TUSC3: variants seen among roughly 807,000 people sequenced by gnomAD.
TUSC3 encodes dolichyl-diphosphooligosaccharide--protein glycosyltransferase subunit TUSC3.
In TUSC3, 45 loss-of-function variants were observed where a neutral mutation model predicts 44.8. The ratio of observed to expected loss-of-function variants is 1.00; its 90% CI spans 0.79 to 1.29. TUSC3 has a LOEUF of 1.29. Among genes scored for constraint, TUSC3 ranks in the 50% most tolerant of loss-of-function variants. The pLI is 0.00. For synonymous variants in TUSC3, 212 were observed against 152.9 expected (o/e 1.39, Z -2.85); for missense variants, 519 against 437.9 (o/e 1.19, Z -1.65).
the TUSC3 span, among the ~76,000 whole-genome samples, chr8:15,817,597 T>TC: frequency 3.3e-5 from 5 of 151,326 alleles, no homozygotes; most frequent in Non-Finnish European, 3.0e-5. Context: ...TAAGGTGGTT[T>TC]CCCCTCCACC....
At chr8:15,563,385 C>T (rs12677906) in intron 1 of TUSC3, among the ~76,000 whole-genome samples, 2 of 151,802 alleles carry the variant, frequency 1.3e-5, no homozygotes, top group South Asian at 2.1e-4. Context: ...GAGGGCAGGC[C>T]GTTGGGAAGA....
intron 2 of TUSC3, among the ~76,000 whole-genome samples, chr8:15,517,504 C>A (rs1219571405): frequency 9.0e-6 from 1 of 111,308 alleles, no homozygotes; most frequent in Non-Finnish European, 1.7e-5. Context: ...TGAGAGCTTC[C>A]TAACATTTAG....
downstream of TUSC3, among the ~76,000 whole-genome samples, chr8:15,770,431 T>G (rs142563338): frequency 3.3e-4 from 50 of 152,014 alleles, no homozygotes; most frequent in African/African-American, 3.9e-4. Flanking sequence ...TGGGGAGAGA[T>G]AGCATTAGGA....
chr8:15,447,625 C>A (rs1800124183), intron 1 of TUSC3, among the ~76,000 whole-genome samples: 2 of 150,900 alleles, frequency 1.3e-5, no homozygotes, highest in East Asian at 1.9e-4. Flanking sequence ...TTTTGACTTT[C>A]TTGATACTAA....
At chr8:15,676,429 T>A (rs1170779298) in intron 6 of TUSC3, among the ~76,000 whole-genome samples, 2 of 152,280 alleles carry the variant, frequency 1.3e-5, no homozygotes, top group Non-Finnish European at 2.9e-5. Flanking sequence ...GGTGTCTTTT[T>A]AGTCTGTTGA....
upstream of TUSC3, among the ~76,000 whole-genome samples, chr8:15,539,687 T>C (rs1354124832): frequency 2.0e-5 from 3 of 152,160 alleles, no homozygotes; most frequent in Non-Finnish European, 4.4e-5. Context: ...GAATAGAAAT[T>C]GAAGTAAGTC....
At chr8:15,793,851 G>A in the TUSC3 span, among the ~76,000 whole-genome samples, 1 of 152,178 alleles carries the variant, frequency 6.6e-6, no homozygotes, top group Admixed American at 6.5e-5. Flanking sequence ...TAGAATCATG[G>A]GAAGGAACAT....
chr8:15,775,656 A>G, the TUSC3 span, among the ~76,000 whole-genome samples: 1 of 148,078 alleles, frequency 6.8e-6, no homozygotes, highest in Admixed American at 6.8e-5. Flanking sequence ...ATATACACAC[A>G]CATATACATA....
chr8:15,587,220 G>A (rs1235420576), intron 1 of TUSC3, among the ~76,000 whole-genome samples: 4 of 152,162 alleles, frequency 2.6e-5, no homozygotes, highest in African/African-American at 9.7e-5. Flanking sequence ...TAATGAAATT[G>A]TTAGTGGACC....
chr8:15,544,863 T>C lies in TUSC3; in HGVS notation c.138+4295T>C, dbSNP rs1801812304. ...GTTAGATTGTATGTATGACCACCCCTTGAAGCGTGATTGGAAATAGCCAAA... is the reference window on the plus strand; with the variant it reads ...GTTAGATTGTATGTATGACCACCCCCTGAAGCGTGATTGGAAATAGCCAAA... On this transcript the variant is annotated intron_variant, in intron 1 of 10. Transcript: ENST00000503731. Among the ~76,000 whole-genome samples the C allele has an allele frequency of 1.3e-5, 2 of 151,848 alleles. 1 individual carries two copies. The highest frequency in any genetic ancestry group is 2.9e-5 in the Non-Finnish European group (2 of 67,916).
rs138431280 is a variant in TUSC3 at position 15,495,727 on chromosome 8, C to T, written n.189+12244C>T. On this transcript the variant is annotated intron_variant and non_coding_transcript_variant, in intron 2 of 5. Transcript: ENST00000503191. ...CTCTTCCAGGGAAAATGGACTCTTC[C>T]TGGAGTCAGTGGGCTCCATGTCCAA... Among the ~76,000 whole-genome samples, 1,276 of 152,230 alleles carry T rather than the reference C, an allele frequency of 8.4e-3. 15 individuals are homozygous for T. Among genetic ancestry groups the T allele is most frequent in the African/African-American group, 0.029 (1,222 of 41,548 alleles).
Position 15,556,530 on chromosome 8 carries a change from G to C in TUSC3, c.138+15962G>C, listed in dbSNP as rs1468053025. The stretch of plus-strand genomic sequence containing the variant: ...TTGGGTATATACCCAGTAATGGGAT[G>C]GCTGGGTCAAATGGTATTTCCAGTT... On this transcript the variant is annotated intron_variant, in intron 1 of 10. Transcript: ENST00000503731. Among the ~76,000 whole-genome samples, 5 of 150,382 alleles carry C rather than the reference G, an allele frequency of 3.3e-5. 1 individual carries two copies. The highest frequency in any genetic ancestry group is 1.2e-4 in the African/African-American group (5 of 41,072).
At chr8:15,535,468 G>T (rs557374813), upstream of TUSC3, among the ~76,000 whole-genome samples, 160 of 152,216 alleles carry the variant, frequency 1.1e-3, 1 homozygote, top group Middle Eastern at 6.8e-3. Context: ...TGGACTAAAA[G>T]GTGCAGAAAA....
At chr8:15,493,420 G>A (rs780182287) in intron 2 of TUSC3, among the ~76,000 whole-genome samples, 14 of 151,910 alleles carry the variant, frequency 9.2e-5, no homozygotes, top group Non-Finnish European at 1.3e-4. Context: ...GCCCCATCAT[G>A]CCTGGCTACT....
chr8:15,698,243 C>A (rs1809251909), intron 6 of TUSC3, among the ~76,000 whole-genome samples: 1 of 152,200 alleles, frequency 6.6e-6, no homozygotes, highest in South Asian at 2.1e-4. Context: ...CCCAAAGAAG[C>A]AATTACTGTG....
At chr8:15,797,979 A>C in the TUSC3 span, among the ~76,000 whole-genome samples, 1 of 152,074 alleles carries the variant, frequency 6.6e-6, no homozygotes, top group Non-Finnish European at 1.5e-5. Flanking sequence ...TTCTACCTTT[A>C]AGTCCTTCAA....
chr8:15,846,641 C>T, the TUSC3 span, among the ~76,000 whole-genome samples: 2 of 152,006 alleles, frequency 1.3e-5, no homozygotes, highest in Non-Finnish European at 2.9e-5. Flanking sequence ...CTCACTCACT[C>T]ATAAGTGGGA....
chr8:15,443,145 CT>C (rs1422978236), intron 1 of TUSC3, among the ~76,000 whole-genome samples: 1 of 151,638 alleles, frequency 6.6e-6, no homozygotes, highest in Non-Finnish European at 1.5e-5. Flanking sequence ...ACATTTTTTT[CT>C]TTTTTCTTCC....
intron 1 of TUSC3, among the ~76,000 whole-genome samples, chr8:15,547,040 A>G (rs936911781): frequency 1.3e-5 from 2 of 151,766 alleles, no homozygotes; most frequent in Non-Finnish European, 2.9e-5. Flanking sequence ...AGTTAAAAAT[A>G]TAGTGAATTA....
Sources: allele counts gnomAD v4.1 joint callset (sites outside exome capture counted in the v4.1 genomes callset), GRCh38; gene constraint gnomAD v4.1.1; transcripts MANE v1.5; gene names NCBI Gene and HGNC (gene_info 2026-07-23, HGNC 2026-07-21).